Variants in GALNTL6 observed in about 807,000 individuals in gnomAD.
GALNTL6 encodes polypeptide N-acetylgalactosaminyltransferase-like 6.
Under a neutral mutation model 73.7 loss-of-function variants are expected in GALNTL6, and 46 were observed. That is an observed-to-expected ratio of 0.62 (90% CI 0.49 to 0.80). The LOEUF (loss-of-function observed/expected upper bound fraction) is 0.80, where lower values mean the gene tolerates loss of function less well. Among genes scored for constraint, GALNTL6 ranks in the 30% least tolerant of loss-of-function variants. The pLI, the probability that GALNTL6 is intolerant of heterozygous loss-of-function variation, is 0.00. For synonymous variants in GALNTL6, 259 were observed against 263.7 expected (o/e 0.98, Z 0.17); for missense variants, 604 against 755.0 (o/e 0.80, Z 2.34).
intron 2 of GALNTL6, among the ~76,000 whole-genome samples, chr4:171,991,755 T>C (rs10002253): frequency 0.55 from 77,428 of 140,338 alleles, 21,947 homozygotes; most frequent in South Asian, 0.76. Flanking sequence ...TATATATATA[T>C]ACACATATAT....
chr4:173,023,518 A>G (rs964058976), intron 12 of GALNTL6, among the ~76,000 whole-genome samples: 2 of 152,144 alleles, frequency 1.3e-5, no homozygotes, highest in African/African-American at 4.8e-5. Flanking sequence ...TTAGCCAGGC[A>G]TGTTGGTGCA....
intron 4 of GALNTL6, among the ~76,000 whole-genome samples, chr4:172,326,506 T>G (rs951393879): frequency 1.3e-5 from 2 of 151,970 alleles, no homozygotes; most frequent in African/African-American, 4.8e-5. Context: ...TATTACCTAC[T>G]AATAAAGTCA....
intron 2 of GALNTL6, among the ~76,000 whole-genome samples, chr4:171,883,239 C>T (rs1736505134): frequency 6.6e-6 from 1 of 152,024 alleles, no homozygotes; most frequent in South Asian, 2.1e-4. Flanking sequence ...GTAATCCCAG[C>T]TGCTCAGGAA....
At chr4:172,757,600 T>C (rs1008456996) in intron 5 of GALNTL6, among the ~76,000 whole-genome samples, 1 of 152,202 alleles carries the variant, frequency 6.6e-6, no homozygotes, top group Non-Finnish European at 1.5e-5. Flanking sequence ...AGTAGAAACA[T>C]CAATTGAATG....
At chr4:172,893,454 C>T (rs1579620100) in intron 8 of GALNTL6, among the ~76,000 whole-genome samples, 1 of 151,926 alleles carries the variant, frequency 6.6e-6, no homozygotes. Context: ...ACAGTTTTGT[C>T]TGCTGACCCC....
intron 9 of GALNTL6, among the ~76,000 whole-genome samples, chr4:172,947,194 G>T (rs530131536): frequency 7.2e-4 from 109 of 152,154 alleles, no homozygotes; most frequent in African/African-American, 2.3e-3. Context: ...TAAAAGTTAT[G>T]CCCAGTTGAT....
intron 8 of GALNTL6, among the ~76,000 whole-genome samples, chr4:172,909,356 A>C (rs1747078676): frequency 2.6e-3 from 1 of 378 alleles, no homozygotes; most frequent in African/African-American, 2.9e-3. Context: ...TAATTCATTT[A>C]CATAAAATAT....
chr4:172,085,124 T>A (rs1731992360), intron 2 of GALNTL6, among the ~76,000 whole-genome samples: 1 of 152,132 alleles, frequency 6.6e-6, no homozygotes. Context: ...TATATAGTAA[T>A]CAATGATAAC....
intron 5 of GALNTL6, among the ~76,000 whole-genome samples, chr4:172,486,782 A>G (rs2111493079): frequency 6.6e-6 from 1 of 152,348 alleles, no homozygotes; most frequent in Middle Eastern, 3.4e-3. Context: ...GCTCTTATGC[A>G]TAAAAACAGA....
At chr4:172,046,841 T>C (rs1398336757) in intron 2 of GALNTL6, among the ~76,000 whole-genome samples, 1 of 152,206 alleles carries the variant, frequency 6.6e-6, no homozygotes, top group Non-Finnish European at 1.5e-5. Context: ...CTGTTAATTA[T>C]TTTCTTTGCA....
At chr4:172,211,502 C>T (rs1349169631) in intron 2 of GALNTL6, among the ~76,000 whole-genome samples, 1 of 152,198 alleles carries the variant, frequency 6.6e-6, no homozygotes, top group African/African-American at 2.4e-5. Flanking sequence ...TAATGACACA[C>T]CTGGTTTCCA....
chr4:172,536,478 G>A (rs1449940939), intron 5 of GALNTL6, among the ~76,000 whole-genome samples: 1 of 152,158 alleles, frequency 6.6e-6, no homozygotes, highest in East Asian at 1.9e-4. Context: ...GATATCAGAT[G>A]GAGATGAGGA....
At chr4:172,275,689 G>T (rs183469742) in intron 3 of GALNTL6, among the ~76,000 whole-genome samples, 4 of 152,338 alleles carry the variant, frequency 2.6e-5, no homozygotes, top group African/African-American at 4.8e-5. Context: ...TGGGTGCAGT[G>T]GCTCACGCCT....
chr4:172,462,212 T>A (rs1732644682), intron 5 of GALNTL6, among the ~76,000 whole-genome samples: 1 of 152,160 alleles, frequency 6.6e-6, no homozygotes, highest in Non-Finnish European at 1.5e-5. Context: ...ATATTGGGAC[T>A]TTTTGGCCTC....
chr4:171,910,636 C>T (rs1737450001), intron 2 of GALNTL6, among the ~76,000 whole-genome samples: 1 of 151,720 alleles, frequency 6.6e-6, no homozygotes. Context: ...ACCATCTTAC[C>T]CTGTTCGCCA....
intron 5 of GALNTL6, among the ~76,000 whole-genome samples, chr4:172,609,356 A>G (rs899315243): frequency 6.6e-6 from 1 of 152,092 alleles, no homozygotes; most frequent in Non-Finnish European, 1.5e-5. Flanking sequence ...GACATGTAGT[A>G]TGTTGAATTT....
chr4:172,522,671 C>T (rs1008097051), intron 5 of GALNTL6, among the ~76,000 whole-genome samples: 4 of 62,544 alleles, frequency 6.4e-5, no homozygotes, highest in African/African-American at 2.7e-4. Flanking sequence ...TCAGTCCCCC[C>T]CCCCCCCAAA....
chr4:172,530,426 A>G (rs1452656030), intron 5 of GALNTL6, among the ~76,000 whole-genome samples: 2 of 152,070 alleles, frequency 1.3e-5, no homozygotes, highest in African/African-American at 4.8e-5. Flanking sequence ...TCTTATTTTT[A>G]TTAATATTAA....
chr4:172,707,297 G>T (rs1734413542), intron 5 of GALNTL6, among the ~76,000 whole-genome samples: 1 of 152,128 alleles, frequency 6.6e-6, no homozygotes, highest in Admixed American at 6.6e-5. Context: ...AGAAGATTCT[G>T]CCAAGTAGGC....
Sources: gnomAD v4.1 joint callset for allele counts (sites outside exome capture counted in the v4.1 genomes callset) on GRCh38, gnomAD v4.1.1 for gene constraint, MANE v1.5 for transcripts, NCBI Gene and HGNC (gene_info 2026-07-23, HGNC 2026-07-21) for gene names.